ZNF773: variants seen among roughly 807,000 people sequenced by gnomAD.
ZNF773 encodes the protein zinc finger protein 419B.
In ZNF773, 11 loss-of-function variants were observed where a neutral mutation model predicts 12.8. The ratio of observed to expected loss-of-function variants is 0.86; its 90% CI spans 0.54 to 1.42. The LOEUF is 1.42. Ranked by LOEUF, ZNF773 falls within the 40% of genes most tolerant of loss-of-function variation. The pLI, the probability that ZNF773 is intolerant of heterozygous loss-of-function variation, is 0.00. For synonymous variants in ZNF773, 175 were observed against 178.4 expected, an observed-to-expected ratio of 0.98 and a Z score of 0.15; for missense variants, 518 against 527.2, an observed-to-expected ratio of 0.98 and a Z score of 0.17.
At chr19:57,504,618 T>G (rs1230305423) in intron 1 of ZNF773, 39 bp from the exon 2 acceptor site, 1 of 1,610,530 alleles carries the variant, frequency 6.2e-7, no homozygotes, top group Non-Finnish European at 8.5e-7. Flanking sequence ...AATTCCCCAG[T>G]AAGGAGACCG....
At chr19:57,512,729 T>C (rs145952397), downstream of ZNF773, among the ~76,000 whole-genome samples, 4 of 152,276 alleles carry the variant, frequency 2.6e-5, no homozygotes, top group Admixed American at 6.5e-5. Flanking sequence ...CCTACAACTG[T>C]GTCTGCAGCC....
At chr19:57,500,293 C>A (rs1239700701) in intron 1 of ZNF773, among the ~76,000 whole-genome samples, 180 bp downstream of exon 1, 1 of 152,034 alleles carries the variant, frequency 6.6e-6, no homozygotes, top group East Asian at 1.9e-4. Flanking sequence ...GAGGCGCATT[C>A]AGCGAGTCCC....
intron 3 of ZNF773, among the ~76,000 whole-genome samples, 173 bp from the exon 4 acceptor site, chr19:57,506,185 G>T (rs1328582842): frequency 1.3e-5 from 2 of 152,110 alleles, no homozygotes; most frequent in Non-Finnish European, 2.9e-5. Context: ...CCCCAAATCT[G>T]TGAGCTAGCC....
At chr19:57,506,235 C>T (rs2012431) in intron 3 of ZNF773, 123 bp from the exon 4 acceptor site, 280,701 of 1,469,348 alleles carry the variant, frequency 0.19, 27,419 homozygotes, top group African/African-American at 0.25. Context: ...CCACCAAGCG[C>T]TAGCCCCCTC....
intron 1 of ZNF773, 66 bp downstream of exon 1, chr19:57,500,179 C>T (rs1568577332): frequency 6.5e-7 from 1 of 1,531,570 alleles, no homozygotes; most frequent in Non-Finnish European, 8.8e-7. Context: ...CTGCTCAGGT[C>T]CCCGGGTGCA....
downstream of ZNF773, among the ~76,000 whole-genome samples, chr19:57,511,046 AT>A (rs2089790000): frequency 2.1e-5 from 3 of 140,494 alleles, no homozygotes; most frequent in Admixed American, 7.5e-5. Context: ...ATTTTATTTT[AT>A]TTTATTTATT....
At chr19:57,505,064 T>C in intron 2 of ZNF773, 1 of 706,806 alleles carries the variant, frequency 1.4e-6, no homozygotes, top group East Asian at 2.7e-5. Flanking sequence ...CTGGTGACAC[T>C]GTGCAGATCT....
At position 57,506,731 on chromosome 19, in the gene ZNF773, G is replaced by A. The variant is rs2089740867; in HGVS notation, c.636G>A (p.Leu212=). 6.2e-7 allele frequency: 1 copy of A among 1,614,222 alleles called. No homozygotes were observed. Among genetic ancestry groups the A allele is most frequent in the Non-Finnish European group, 8.5e-7 (1 of 1,180,034 alleles). The part of the protein sequence containing the change: ...QKYLLVQHQR[L]HTGEKPYECS... ...ATTTACTTGTTCAGCACCAGAGACT[G>A]CACACTGGGGAAAAGCCTTATGAAT... The change falls in exon 4 of 4, where the codon CTG becomes CTA. Residue 212 remains leucine (L), a synonymous_variant. Coordinates refer to ENST00000282292, the MANE Select transcript of ZNF773 (RefSeq NM_198542.3).
chr19:57,507,065 G>C lies in ZNF773; in HGVS notation c.970G>C (p.Val324Leu). 6.2e-7 allele frequency: 1 copy of C among 1,614,144 alleles called. No individual in the cohort carries two copies. Among genetic ancestry groups the C allele is most frequent in the Non-Finnish European group, 8.5e-7 (1 of 1,180,030 alleles). The change falls in exon 4 of 4, where the codon GTT (valine) becomes CTT (leucine). Residue 324 changes from valine (V) to leucine (L), a missense_variant. Val to Leu is a conservative substitution (Grantham distance 32, BLOSUM62 1). Coordinates refer to ENST00000282292, the MANE Select transcript of ZNF773 (RefSeq NM_198542.3). ...CTCCAGCCTCATGAAACATCAGAGAGTTCACACTGGAGAAAGACCTTATAA... is the reference window on the plus strand; with the variant it reads ...CTCCAGCCTCATGAAACATCAGAGACTTCACACTGGAGAAAGACCTTATAA... ...FNSSLMKHQR[V>L]HTGERPYKCS...
Position 57,507,590 on chromosome 19 carries a change from G to C in ZNF773, c.*166G>C. The C allele has an allele frequency of 7.0e-7, 1 of 1,419,998 alleles. No homozygotes were observed. The highest frequency in any genetic ancestry group is 9.1e-7 in the Non-Finnish European group (1 of 1,094,672). The allele number at this position is 1,419,998 out of a possible 1,614,324, so 88.0% of individuals were successfully genotyped here. On this transcript the variant is annotated 3_prime_UTR_variant, in exon 4 of 4. Transcript: ENST00000282292. ...GACAATGTAGTGAATATGGTAAAAG[G>C]CCTCAGCCAAAGGCCTAACCGTATT...
chr19:57,507,026 T>C lies in ZNF773; in HGVS notation c.931T>C (p.Leu311=), dbSNP rs1003004341. 1 of 1,614,088 alleles carries C rather than the reference T, an allele frequency of 6.2e-7. No individual in the cohort carries two copies. Among genetic ancestry groups the C allele is most frequent in the Non-Finnish European group, 8.5e-7 (1 of 1,180,012 alleles). The change falls in exon 4 of 4, where the codon TTG becomes CTG. Residue 311 remains leucine (L), a synonymous_variant. Coordinates refer to ENST00000282292, the MANE Select transcript of ZNF773 (RefSeq NM_198542.3). ...TTATGAGTGCAGTGAATGTGGAAAATTGTTTAGTTTCAACTCCAGCCTCAT... is the reference window on the plus strand; with the variant it reads ...TTATGAGTGCAGTGAATGTGGAAAACTGTTTAGTTTCAACTCCAGCCTCAT... ...RPYECSECGK[L]FSFNSSLMKH...
At chr19:57,503,711 G>A (rs890978969) in intron 1 of ZNF773, among the ~76,000 whole-genome samples, 11 of 150,512 alleles carry the variant, frequency 7.3e-5, no homozygotes, top group South Asian at 2.1e-4. Context: ...AGACTAGAGC[G>A]CAATGGCAAG....
Position 57,500,118 on chromosome 19 carries a change from G to C in ZNF773, c.33+5G>C. 4 of 1,603,900 alleles carry C rather than the reference G, an allele frequency of 2.5e-6. No individual in the cohort carries two copies. Among genetic ancestry groups the C allele is most frequent in the Non-Finnish European group, 3.4e-6 (4 of 1,176,788 alleles). On this transcript the variant is annotated splice_donor_5th_base_variant and intron_variant, in intron 1 of 3. Transcript: ENST00000282292. ...ACGCTGAGGGACCCCGCTCAGGTGA[G>C]CGCCGCGTCCTCCCGGCCTCCCCCG...
At chr19:57,510,632 A>G (rs142335178), downstream of ZNF773, among the ~76,000 whole-genome samples, 1,374 of 152,266 alleles carry the variant, frequency 9.0e-3, 27 homozygotes, top group African/African-American at 0.03. Flanking sequence ...CTAATAATTG[A>G]GTTTAGCAAG....
At chr19:57,512,912 G>C, downstream of ZNF773, 1 of 1,215,222 alleles carries the variant, frequency 8.2e-7, no homozygotes, top group Admixed American at 3.9e-5. Flanking sequence ...TAAATACAAA[G>C]GGCTGTAGAA....
chr19:57,502,118 C>G (rs1417728921), intron 1 of ZNF773, among the ~76,000 whole-genome samples: 1 of 151,988 alleles, frequency 6.6e-6, no homozygotes, highest in Non-Finnish European at 1.5e-5. Context: ...AATTTTGTAT[C>G]TTTAGTAGAG....
At chr19:57,513,231 C>A, downstream of ZNF773, 2 of 673,064 alleles carry the variant, frequency 3.0e-6, no homozygotes, top group Non-Finnish European at 4.3e-6. Flanking sequence ...TGCTGAAGAG[C>A]AACATTATAT....
chr19:57,509,534 T>C (rs1042622954), downstream of ZNF773, among the ~76,000 whole-genome samples: 7 of 152,230 alleles, frequency 4.6e-5, no homozygotes, highest in Non-Finnish European at 8.8e-5. Context: ...CTAGGAAATA[T>C]TGCATTGGAA....
chr19:57,508,994 C>G (rs59726269), downstream of ZNF773, among the ~76,000 whole-genome samples: 31,318 of 151,850 alleles, frequency 0.21, 3,311 homozygotes, highest in African/African-American at 0.25. Flanking sequence ...GAGTTGAGGT[C>G]TTGGTATGTT....
Sources: gnomAD v4.1 joint callset for allele counts (sites outside exome capture counted in the v4.1 genomes callset) on GRCh38, gnomAD v4.1.1 for gene constraint, MANE v1.5 for transcripts, NCBI Gene and HGNC (gene_info 2026-07-23, HGNC 2026-07-21) for gene names.